FAM135B: variants seen among roughly 807,000 people sequenced by gnomAD.
FAM135B encodes family with sequence similarity 135 member B, also known as protein FAM135B.
Under a neutral mutation model 127.7 loss-of-function variants are expected in FAM135B, and 43 were observed. The ratio of observed to expected loss-of-function variants is 0.34; its 90% CI spans 0.26 to 0.43. The LOEUF (loss-of-function observed/expected upper bound fraction) is 0.43, where lower values mean the gene tolerates loss of function less well. FAM135B is among the 20% of genes least tolerant of loss of function. FAM135B has a pLI of 1.00. For missense variants in FAM135B, 1,558 were observed against 1,725.6 expected, an observed-to-expected ratio of 0.90 and a Z score of 1.72; for synonymous variants, 670 against 665.1, an observed-to-expected ratio of 1.01 and a Z score of -0.11.
intron 1 of FAM135B, among the ~76,000 whole-genome samples, chr8:138,375,945 G>C (rs572207323): frequency 6.6e-6 from 1 of 152,132 alleles, no homozygotes; most frequent in African/African-American, 2.4e-5. Context: ...TTACCCGGTT[G>C]TCTGGGCATC....
intron 1 of FAM135B, among the ~76,000 whole-genome samples, chr8:138,445,429 G>A (rs1377275995): frequency 6.6e-6 from 1 of 152,168 alleles, no homozygotes; most frequent in African/African-American, 2.4e-5. Context: ...ACCAAATCCA[G>A]CAGCACATCA....
chr8:138,311,567 G>C (rs753748484), intron 2 of FAM135B, among the ~76,000 whole-genome samples: 1 of 152,126 alleles, frequency 6.6e-6, no homozygotes, highest in African/African-American at 2.4e-5. Flanking sequence ...ATGACTTTTT[G>C]CTTGTAAGCA....
At chr8:138,398,813 C>T (rs1045481941) in intron 1 of FAM135B, among the ~76,000 whole-genome samples, 2 of 152,172 alleles carry the variant, frequency 1.3e-5, no homozygotes, top group Non-Finnish European at 2.9e-5. Context: ...GTGAGATACT[C>T]GGTCTTCATA....
intron 2 of FAM135B, among the ~76,000 whole-genome samples, chr8:138,359,877 T>C (rs1830312207): frequency 6.6e-6 from 1 of 152,176 alleles, no homozygotes; most frequent in Admixed American, 6.5e-5. Context: ...AACTCAACCA[T>C]TTCCACTTTG....
At chr8:138,144,119 G>T (rs558651007) in intron 15 of FAM135B, among the ~76,000 whole-genome samples, 1 of 152,306 alleles carries the variant, frequency 6.6e-6, no homozygotes, top group African/African-American at 2.4e-5. Context: ...TTAGTGCCAT[G>T]TTAAAAATTA....
In FAM135B at chr8:138,373,773, C is replaced by T. The variant is rs551264836; in HGVS notation, c.-19-5771G>A. Among the ~76,000 whole-genome samples the T allele has an allele frequency of 2.0e-5, 3 of 152,176 alleles. No individual in the cohort carries two copies. The South Asian group carries it at 6.2e-4, about 32-fold the overall frequency. On this transcript the variant is annotated intron_variant, in intron 1 of 19. Transcript: ENST00000395297. ...GTGTGGCCGTCTTCTATGGTCGAGA[C>T]TGTATGTAGGGACGAAATAAGCCCC...
intron 2 of FAM135B, among the ~76,000 whole-genome samples, chr8:138,313,617 C>T (rs373094215): frequency 2.0e-5 from 3 of 150,136 alleles, no homozygotes; most frequent in African/African-American, 7.4e-5. Flanking sequence ...GATCCTCCCA[C>T]TTCGGCTCCC....
intron 3 of FAM135B, among the ~76,000 whole-genome samples, chr8:138,309,651 T>C (rs1826514799): frequency 6.6e-6 from 1 of 152,186 alleles, no homozygotes; most frequent in Non-Finnish European, 1.5e-5. Flanking sequence ...GGGTATTCAA[T>C]TGCATGTGAT....
At chr8:138,362,800 G>A (rs1218775209) in intron 2 of FAM135B, among the ~76,000 whole-genome samples, 2 of 152,184 alleles carry the variant, frequency 1.3e-5, no homozygotes, top group Non-Finnish European at 2.9e-5. Context: ...CTATGTATAT[G>A]TCAGCCTCTC....
intron 7 of FAM135B, among the ~76,000 whole-genome samples, chr8:138,216,606 T>A (rs1248696877): frequency 1.3e-5 from 2 of 152,232 alleles, no homozygotes; most frequent in East Asian, 3.9e-4. Flanking sequence ...TCATCTGATG[T>A]GCTGCCTTTC....
At chr8:138,389,420 A>G (rs1392433948) in intron 1 of FAM135B, among the ~76,000 whole-genome samples, 2 of 152,268 alleles carry the variant, frequency 1.3e-5, no homozygotes, top group African/African-American at 4.8e-5. Flanking sequence ...AATGGCCATC[A>G]ACTGATAAAT....
chr8:138,376,145 G>A (rs189572243), intron 1 of FAM135B, among the ~76,000 whole-genome samples: 8 of 152,162 alleles, frequency 5.3e-5, no homozygotes, highest in African/African-American at 1.2e-4. Flanking sequence ...GTTTCACTGT[G>A]TTGGCCAGGC....
chr8:138,194,036 G>A (rs1227389875), intron 9 of FAM135B, among the ~76,000 whole-genome samples: 6 of 152,142 alleles, frequency 3.9e-5, no homozygotes, highest in African/African-American at 9.7e-5. Context: ...TCCACACACC[G>A]TCAATGCTGC....
chr8:138,194,457 C>G (rs1391609176), intron 9 of FAM135B, among the ~76,000 whole-genome samples: 1 of 152,210 alleles, frequency 6.6e-6, no homozygotes, highest in Non-Finnish European at 1.5e-5. Context: ...AACACAGTAT[C>G]TGAACTCCAA....
chr8:138,288,376 T>C (rs551943089), intron 3 of FAM135B, among the ~76,000 whole-genome samples: 22 of 152,216 alleles, frequency 1.4e-4, no homozygotes, highest in African/African-American at 4.8e-4. Flanking sequence ...ATGCAGTAGA[T>C]GTGGCCTTGG....
intron 2 of FAM135B, among the ~76,000 whole-genome samples, chr8:138,362,279 A>AT (rs1830467374): frequency 3.3e-5 from 4 of 122,502 alleles, no homozygotes; most frequent in African/African-American, 3.1e-5. Context: ...CCCCACCCCC[A>AT]TATCTTTTTT....
chr8:138,183,754 C>T (rs559972967), intron 9 of FAM135B, among the ~76,000 whole-genome samples: 33 of 152,232 alleles, frequency 2.2e-4, no homozygotes, highest in African/African-American at 7.7e-4. Flanking sequence ...CAAGTTGTTC[C>T]GGGAGACTTT....
At chr8:138,344,341 T>C (rs1019529569) in intron 2 of FAM135B, among the ~76,000 whole-genome samples, 1 of 152,150 alleles carries the variant, frequency 6.6e-6, no homozygotes, top group African/African-American at 2.4e-5. Flanking sequence ...CAGCCCATCG[T>C]AACCCGGCGC....
At chr8:138,220,405 A>G (rs1818936565) in intron 7 of FAM135B, among the ~76,000 whole-genome samples, 1 of 152,086 alleles carries the variant, frequency 6.6e-6, no homozygotes, top group South Asian at 2.1e-4. Context: ...GGCAAAAAGC[A>G]TCGTTGTTGA....
Sources: gnomAD v4.1 joint callset for allele counts (sites outside exome capture counted in the v4.1 genomes callset) on GRCh38, gnomAD v4.1.1 for gene constraint, MANE v1.5 for transcripts, NCBI Gene and HGNC (gene_info 2026-07-23, HGNC 2026-07-21) for gene names.